Variants in NR3C2 observed in about 807,000 individuals in gnomAD.
The protein encoded by NR3C2 is nuclear receptor subfamily 3 group C member 2.
In NR3C2, 15 loss-of-function variants were observed where a neutral mutation model predicts 86.4. The ratio of observed to expected loss-of-function variants is 0.17; its 90% CI spans 0.12 to 0.27. The LOEUF (loss-of-function observed/expected upper bound fraction) is 0.27, where lower values mean the gene tolerates loss of function less well. Ranked by LOEUF, NR3C2 falls within the 10% of genes least tolerant of loss-of-function variation. NR3C2 has a pLI of 1.00. For synonymous variants in NR3C2, 458 were observed against 450.5 expected (o/e 1.02, Z -0.21); for missense variants, 960 against 1,195.6 (o/e 0.80, Z 2.91).
At chr4:148,432,987 A>G (rs11099695) in intron 2 of NR3C2, among the ~76,000 whole-genome samples, 42,998 of 152,066 alleles carry the variant, frequency 0.28, 6,794 homozygotes, top group Middle Eastern at 0.54. Context: ...GTATGTATAT[A>G]AGCAGAATGA....
chr4:148,111,804 C>A (rs529572648), intron 8 of NR3C2, among the ~76,000 whole-genome samples: 230 of 151,984 alleles, frequency 1.5e-3, no homozygotes, highest in Non-Finnish European at 2.7e-3. Context: ...ATTCACAGAG[C>A]GATATAGAAA....
intron 4 of NR3C2, among the ~76,000 whole-genome samples, chr4:148,176,474 T>C (rs1205762190): frequency 1.3e-5 from 2 of 152,144 alleles, no homozygotes; most frequent in Non-Finnish European, 2.9e-5. Context: ...AACCCACCAA[T>C]GTAGTGAGGG....
At chr4:148,361,828 T>TGTTGTTGTTG (rs1745851910) in intron 2 of NR3C2, among the ~76,000 whole-genome samples, 1 of 151,880 alleles carries the variant, frequency 6.6e-6, no homozygotes, top group Non-Finnish European at 1.5e-5. Context: ...ACCCTAAAGT[T>TGTTGTTGTTG]TTGTTGTTAT....
chr4:148,136,056 C>CAAAAAAAAAAAAAAAAAAAA (rs199716496), intron 6 of NR3C2, among the ~76,000 whole-genome samples: 8 of 71,202 alleles, frequency 1.1e-4, no homozygotes, highest in South Asian at 4.9e-4. Flanking sequence ...GACTCCGTCT[C>CAAAAAAAAAAAAAAAAAAAA]AAAAAAAAAA....
intron 2 of NR3C2, among the ~76,000 whole-genome samples, chr4:148,352,658 A>C (rs1045540300): frequency 1.3e-5 from 2 of 152,150 alleles, no homozygotes; most frequent in African/African-American, 4.8e-5. Context: ...AATCATCTTC[A>C]AGTTTAAACA....
In NR3C2 at chr4:148,322,081, C is replaced by CA. The variant is rs1333904167; in HGVS notation, c.1758-61965dup. 2.0e-5 allele frequency among the ~76,000 whole-genome samples: 3 copies of CA among 152,004 alleles called. No homozygotes were observed. In the East Asian group the frequency reaches 5.8e-4, roughly 29 times the overall value. On this transcript the variant is annotated intron_variant, in intron 2 of 8. Coordinates refer to ENST00000358102, the MANE Select transcript of NR3C2 (RefSeq NM_000901.5). The stretch of plus-strand genomic sequence containing the variant: ...TCTTTTAAGGCAGGCCTGGTGGTGA[C>CA]AAAATCTCTCAGCATTTGCTTGTCT...
chr4:148,160,915 CT>C (rs975192111), intron 4 of NR3C2, among the ~76,000 whole-genome samples: 1 of 152,102 alleles, frequency 6.6e-6, no homozygotes, highest in African/African-American at 2.4e-5. Flanking sequence ...TTCTCTTTGC[CT>C]TTTGACTGCC....
chr4:148,413,635 C>G (rs2126578566), intron 2 of NR3C2, among the ~76,000 whole-genome samples: 1 of 152,140 alleles, frequency 6.6e-6, no homozygotes, highest in Non-Finnish European at 1.5e-5. Flanking sequence ...AATCAATAAA[C>G]AGACATTAAC....
At chr4:148,305,112 A>G (rs189544368) in intron 2 of NR3C2, among the ~76,000 whole-genome samples, 1 of 152,168 alleles carries the variant, frequency 6.6e-6, no homozygotes, top group African/African-American at 2.4e-5. Context: ...AAATAATAGA[A>G]AACAAATGTA....
chr4:148,150,299 A>G (rs1428202711), intron 6 of NR3C2, among the ~76,000 whole-genome samples: 1 of 152,220 alleles, frequency 6.6e-6, no homozygotes, highest in East Asian at 1.9e-4. Context: ...CAACTGATCT[A>G]TACCTAATTT....
At chr4:148,088,245 G>T (rs563552691) in intron 8 of NR3C2, among the ~76,000 whole-genome samples, 8 of 152,170 alleles carry the variant, frequency 5.3e-5, no homozygotes, top group Non-Finnish European at 1.2e-4. Context: ...GGAGAAATAA[G>T]AACACTTTTA....
At chr4:148,387,470 T>C (rs995121499) in intron 2 of NR3C2, among the ~76,000 whole-genome samples, 4 of 152,170 alleles carry the variant, frequency 2.6e-5, no homozygotes, top group Non-Finnish European at 4.4e-5. Flanking sequence ...TATGGATATA[T>C]CACATGTTAA....
In NR3C2 at chr4:148,260,137, T is replaced by C; in HGVS notation, c.1758-20A>G. On this transcript the variant is annotated intron_variant, in intron 2 of 8. Transcript: ENST00000358102. ...GTAGAGCTGGGGAAAGAAATTGAGATTTAAATAACTACACCGTAAAGGCAC... is the reference window on the plus strand; with the variant it reads ...GTAGAGCTGGGGAAAGAAATTGAGACTTAAATAACTACACCGTAAAGGCAC... 1 of 1,613,812 alleles carries C rather than the reference T, an allele frequency of 6.2e-7. No homozygotes were observed. The highest frequency in any genetic ancestry group is 8.5e-7 in the Non-Finnish European group (1 of 1,179,898).
intron 2 of NR3C2, among the ~76,000 whole-genome samples, chr4:148,398,426 T>C (rs1452906780): frequency 1.3e-5 from 2 of 152,222 alleles, no homozygotes; most frequent in Non-Finnish European, 2.9e-5. Flanking sequence ...AGTATCCAAG[T>C]AGATATATAA....
intron 7 of NR3C2, among the ~76,000 whole-genome samples, chr4:148,115,968 C>T (rs1442490185): frequency 3.3e-5 from 5 of 151,988 alleles, no homozygotes; most frequent in Non-Finnish European, 1.5e-5. Context: ...ATAGTAAAAT[C>T]CAATTTCTAC....
At chr4:148,115,367 T>C (rs1732227401) in intron 7 of NR3C2, among the ~76,000 whole-genome samples, 1 of 152,214 alleles carries the variant, frequency 6.6e-6, no homozygotes, top group South Asian at 2.1e-4. Flanking sequence ...TTATAGCCAA[T>C]AGTTATGTTT....
chr4:148,438,076 G>C (rs905336804), intron 1 of NR3C2, among the ~76,000 whole-genome samples: 9 of 152,128 alleles, frequency 5.9e-5, no homozygotes, highest in African/African-American at 2.2e-4. Flanking sequence ...GAAAACTGAG[G>C]CACCAGACAC....
At chr4:148,204,270 C>T (rs1050768304) in intron 3 of NR3C2, among the ~76,000 whole-genome samples, 1 of 152,006 alleles carries the variant, frequency 6.6e-6, no homozygotes, top group Non-Finnish European at 1.5e-5. Flanking sequence ...GAACAAGGAA[C>T]TTTTTTTTCA....
intron 8 of NR3C2, among the ~76,000 whole-genome samples, chr4:148,101,823 T>C (rs1055642048): frequency 2.6e-5 from 4 of 152,142 alleles, no homozygotes; most frequent in African/African-American, 7.2e-5. Flanking sequence ...AGAGCCATCA[T>C]TCTCTTCTAT....
Sources: allele counts gnomAD v4.1 joint callset (sites outside exome capture counted in the v4.1 genomes callset), GRCh38; gene constraint gnomAD v4.1.1; transcripts MANE v1.5; gene names NCBI Gene and HGNC (gene_info 2026-07-23, HGNC 2026-07-21).